MTA3: variants seen among roughly 807,000 people sequenced by gnomAD.
The protein encoded by MTA3 is metastasis associated 1 family member 3.
A neutral mutation model predicts 83.5 loss-of-function variants in MTA3; 34 were observed. The ratio of observed to expected loss-of-function variants is 0.41; its 90% CI spans 0.31 to 0.54. The LOEUF is 0.54. Among genes scored for constraint, MTA3 ranks in the 20% least tolerant of loss-of-function variants. MTA3 has a pLI of 0.33. For missense variants in MTA3, 761 were observed against 726.4 expected, an observed-to-expected ratio of 1.05 and a Z score of -0.55; for synonymous variants, 303 against 252.7, an observed-to-expected ratio of 1.20 and a Z score of -1.89.
intron 2 of MTA3, among the ~76,000 whole-genome samples, chr2:42,507,855 C>G (rs11902060): frequency 6.7e-6 from 1 of 150,260 alleles, no homozygotes; most frequent in Non-Finnish European, 1.5e-5. Context: ...GGCTTGAGCC[C>G]GGGAGGCAGA....
At chr2:42,547,794 C>A (rs970670226) in intron 2 of MTA3, among the ~76,000 whole-genome samples, 5 of 152,162 alleles carry the variant, frequency 3.3e-5, no homozygotes, top group South Asian at 2.1e-4. Context: ...AGTACAGAGT[C>A]TTTCTAAGGC....
rs1449124929 is a variant in MTA3, at chr2:42,548,859, A to ATAAT, written c.-140-21578_-140-21577insTAAT. On this transcript the variant is annotated intron_variant, in intron 2 of 17. Transcript: ENST00000405592. ...ATATATATATATAATATATATATAT[A>ATAAT]ATATATATATATATATAATATATAT... is the stretch of plus-strand genomic sequence containing the variant. Among the ~76,000 whole-genome samples, 18 of 22,012 alleles carry ATAAT rather than the reference A, an allele frequency of 8.2e-4. 2 individuals carry two copies. The highest frequency in any genetic ancestry group is 6.6e-3 in the East Asian group (8 of 1,212). 14.4% of individuals were successfully genotyped at this position (22,012 alleles called of 152,430 possible).
chr2:42,534,928 C>T (rs1455021891), intron 2 of MTA3, among the ~76,000 whole-genome samples: 3 of 152,022 alleles, frequency 2.0e-5, no homozygotes, highest in Non-Finnish European at 4.4e-5. Context: ...TGGCCTGTTG[C>T]ATGGATTTCT....
intron 2 of MTA3, among the ~76,000 whole-genome samples, chr2:42,561,332 T>C (rs1489750873): frequency 1.3e-5 from 2 of 151,982 alleles, no homozygotes; most frequent in Non-Finnish European, 2.9e-5. Flanking sequence ...TTATTTCTTT[T>C]TTTTTTTTTA....
At chr2:42,675,581 C>T (rs1354736706) in intron 8 of MTA3, among the ~76,000 whole-genome samples, 1 of 152,162 alleles carries the variant, frequency 6.6e-6, no homozygotes, top group Non-Finnish European at 1.5e-5. Context: ...TTACCAGTAT[C>T]TCAACAGCTT....
intron 2 of MTA3, among the ~76,000 whole-genome samples, chr2:42,551,411 G>A (rs1381475764): frequency 6.6e-6 from 1 of 151,888 alleles, no homozygotes; most frequent in Admixed American, 6.6e-5. Flanking sequence ...CCCTGTTCTC[G>A]AACTCCTGAC....
intron 16 of MTA3, among the ~76,000 whole-genome samples, chr2:42,731,940 T>C (rs568000363): frequency 1.6e-4 from 24 of 152,334 alleles, no homozygotes; most frequent in Non-Finnish European, 2.6e-4. Context: ...AAAGGGGTTA[T>C]AGAGCCCATT....
At position 42,755,973 on chromosome 2, in the gene MTA3, C is replaced by T. The variant is rs911384918; in HGVS notation, c.*2574C>T. 6.7e-5 allele frequency: 66 copies of T among 985,440 alleles called. No homozygotes were observed. The highest frequency in any genetic ancestry group is 7.3e-5 in the Non-Finnish European group (61 of 830,012). 61.0% of individuals were successfully genotyped at this position (985,440 alleles called of 1,614,324 possible). A position where few individuals can be genotyped will look rare whatever the true frequency, so the allele number is the denominator to read the frequency against. On this transcript the variant is annotated 3_prime_UTR_variant, in exon 17 of 17. Transcript: ENST00000405094. ...CGCCGGAAGGTTTCAGCCTGCCCTTCACAATTCCCCTTGTGCACAGCCCAG... is the reference window on the plus strand; with the variant it reads ...CGCCGGAAGGTTTCAGCCTGCCCTTTACAATTCCCCTTGTGCACAGCCCAG...
At chr2:42,692,070 T>C (rs1471877377) in intron 9 of MTA3, among the ~76,000 whole-genome samples, 3 of 152,192 alleles carry the variant, frequency 2.0e-5, no homozygotes, top group African/African-American at 7.2e-5. Flanking sequence ...CCTCTTTCTC[T>C]ACCTCTTCTT....
chr2:42,647,167 A>ACAAAAAAAAAAAAACAAAAAAAAAAAAAC (rs1360967605), intron 6 of MTA3, among the ~76,000 whole-genome samples: 1 of 150,260 alleles, frequency 6.7e-6, no homozygotes, highest in African/African-American at 2.5e-5. Flanking sequence ...AAAAAAAAAA[A>ACAAAAAAAAAAAAACAAAAAAAAAAAAAC]CAAAAAAGAA....
intron 14 of MTA3, among the ~76,000 whole-genome samples, chr2:42,716,522 C>G (rs1667043183): frequency 6.6e-6 from 1 of 152,180 alleles, no homozygotes; most frequent in South Asian, 2.1e-4. Context: ...TGTTGCTCCC[C>G]TCTGTGCATC....
chr2:42,571,202 C>T (rs1415777250), intron 2 of MTA3, among the ~76,000 whole-genome samples: 1 of 151,476 alleles, frequency 6.6e-6, no homozygotes, highest in South Asian at 2.1e-4. Flanking sequence ...CAAGACCAGC[C>T]TGGCCAACAT....
chr2:42,699,293 C>T (rs1693652208), intron 11 of MTA3, among the ~76,000 whole-genome samples: 1 of 152,132 alleles, frequency 6.6e-6, no homozygotes, highest in Non-Finnish European at 1.5e-5. Context: ...CCTCAACCTC[C>T]TGGGCTCAAG....
chr2:42,755,038 A>G lies in MTA3; in HGVS notation c.*1639A>G, dbSNP rs868361488. ...GGGCGCTGAGGGTGGGGCCTGTGTC[A>G]GAAGCATTTGGTGAGAGGGGTGGAG... On this transcript the variant is annotated 3_prime_UTR_variant, in exon 17 of 17. Transcript: ENST00000405094. 2.0e-6 allele frequency: 2 copies of G among 985,542 alleles called. No individual in the cohort carries two copies. The highest frequency in any genetic ancestry group is 2.4e-6 in the Non-Finnish European group (2 of 830,164). 61.0% of individuals were successfully genotyped at this position (985,542 alleles called of 1,614,324 possible). A position where few individuals can be genotyped will look rare whatever the true frequency, so the allele number is the denominator to read the frequency against.
chr2:42,510,711 A>G (rs576999867), intron 2 of MTA3, among the ~76,000 whole-genome samples: 2 of 152,272 alleles, frequency 1.3e-5, no homozygotes, highest in African/African-American at 4.8e-5. Flanking sequence ...CTGATATCCA[A>G]CTGTTTGGGT....
In MTA3 at chr2:42,715,084, G is replaced by T. The variant is rs574646348; in HGVS notation, c.1526-3904G>T. On this transcript the variant is annotated intron_variant, in intron 14 of 16. Transcript: ENST00000405094. ...TTTGATTCCTTCTGGGTTCTTTGGG[G>T]ATTTCTCAGATTGCTTTCATTATCT... 4.6e-5 allele frequency among the ~76,000 whole-genome samples: 7 copies of T among 152,304 alleles called. No homozygotes were observed. In the South Asian group the frequency reaches 1.4e-3, roughly 32 times the overall value.
chr2:42,732,311 G>C (rs557868670), intron 16 of MTA3, among the ~76,000 whole-genome samples: 72 of 152,286 alleles, frequency 4.7e-4, no homozygotes, highest in Middle Eastern at 3.4e-3. Flanking sequence ...CTTGACTTCT[G>C]TGCACCCACA....
At chr2:42,729,113 T>TTTTTTA (rs1573784154) in intron 16 of MTA3, among the ~76,000 whole-genome samples, 2 of 142,472 alleles carry the variant, frequency 1.4e-5, no homozygotes, top group African/African-American at 5.5e-5. Flanking sequence ...TTTTTTTTTT[T>TTTTTTA]CACAGAGTCA....
At chr2:42,696,076 T>C (rs971330925) in intron 10 of MTA3, among the ~76,000 whole-genome samples, 2 of 152,196 alleles carry the variant, frequency 1.3e-5, no homozygotes, top group South Asian at 2.1e-4. Flanking sequence ...AGAGAGGCAT[T>C]ATTTTCCTTG....
Sources: gnomAD v4.1 joint callset for allele counts (sites outside exome capture counted in the v4.1 genomes callset) on GRCh38, gnomAD v4.1.1 for gene constraint, MANE v1.5 for transcripts, NCBI Gene and HGNC (gene_info 2026-07-23, HGNC 2026-07-21) for gene names.